PTPRD: variants seen among roughly 807,000 people sequenced by gnomAD.
The protein encoded by PTPRD is protein tyrosine phosphatase receptor type D.
A neutral mutation model predicts 214.5 loss-of-function variants in PTPRD; 34 were observed. The observed-to-expected ratio is 0.16, with a 90% CI of 0.12 to 0.21. PTPRD has a LOEUF of 0.21. Ranked by LOEUF, PTPRD falls within the 10% of genes least tolerant of loss-of-function variation. The pLI is 1.00. For synonymous variants in PTPRD, 1,128 were observed against 845.7 expected, an observed-to-expected ratio of 1.33 and a Z score of -5.79; for missense variants, 2,545 against 2,398.7, an observed-to-expected ratio of 1.06 and a Z score of -1.27.
chr9:10,267,884 AGTG>A (rs1298630100), intron 3 of PTPRD, among the ~76,000 whole-genome samples: 1 of 152,208 alleles, frequency 6.6e-6, no homozygotes, highest in Non-Finnish European at 1.5e-5. Context: ...ATACAGTAAA[AGTG>A]AAATAAAAAT....
chr9:9,501,202 C>T (rs974816554), intron 8 of PTPRD, among the ~76,000 whole-genome samples: 2 of 151,554 alleles, frequency 1.3e-5, no homozygotes, highest in Non-Finnish European at 2.9e-5. Flanking sequence ...CTATTAAAAG[C>T]CAAAGATTGT....
At chr9:10,194,484 A>G (rs1048819371) in intron 3 of PTPRD, among the ~76,000 whole-genome samples, 1 of 151,636 alleles carries the variant, frequency 6.6e-6, no homozygotes, top group Non-Finnish European at 1.5e-5. Context: ...TTGATCAGGA[A>G]TCTGAGGTTG....
intron 19 of PTPRD, among the ~76,000 whole-genome samples, chr9:8,522,267 T>C (rs1176251032): frequency 1.3e-5 from 2 of 152,056 alleles, no homozygotes; most frequent in African/African-American, 4.8e-5. Context: ...ATTGAAAGAA[T>C]GGCTGGAATC....
rs1360231025 is a variant in PTPRD, at chr9:10,401,559, T to C, written c.-599-60542A>G. ...TATATCTGTGGTGTAACAGTATATC[T>C]ATAGTATTAAATTATATATATAAAC... On this transcript the variant is annotated intron_variant, in intron 2 of 45. Coordinates refer to ENST00000381196, the MANE Select transcript of PTPRD (RefSeq NM_002839.4). Among the ~76,000 whole-genome samples the C allele has an allele frequency of 2.7e-5, 4 of 150,364 alleles. No individual in the cohort carries two copies. In the East Asian group the frequency reaches 8.1e-4, roughly 30 times the overall value.
At chr9:10,112,143 C>G (rs1380842287) in intron 3 of PTPRD, among the ~76,000 whole-genome samples, 1 of 152,096 alleles carries the variant, frequency 6.6e-6, no homozygotes, top group Non-Finnish European at 1.5e-5. Context: ...TTTTGTGTTT[C>G]TGGAATTGAC....
chr9:10,391,685 G>C (rs1015923996), intron 2 of PTPRD, among the ~76,000 whole-genome samples: 1 of 151,526 alleles, frequency 6.6e-6, no homozygotes, highest in Non-Finnish European at 1.5e-5. Context: ...GCTTCTAGTG[G>C]GTTCCCCAGA....
chr9:8,528,559 A>G (rs1162682878), intron 15 of PTPRD, 32 bp downstream of exon 15: 1 of 1,578,848 alleles, frequency 6.3e-7, no homozygotes, highest in Non-Finnish European at 8.6e-7. Context: ...AAAATTCTCT[A>G]GGAGTTAGTA....
At chr9:9,273,377 G>A (rs1262525963) in intron 9 of PTPRD, among the ~76,000 whole-genome samples, 1 of 151,208 alleles carries the variant, frequency 6.6e-6, no homozygotes, top group Admixed American at 6.6e-5. Flanking sequence ...TTGTGAAGCT[G>A]TGCAGCTACT....
At chr9:8,838,044 G>A (rs565034978) in intron 11 of PTPRD, among the ~76,000 whole-genome samples, 1 of 152,130 alleles carries the variant, frequency 6.6e-6, no homozygotes, top group Admixed American at 6.5e-5. Context: ...TCATGTCAAT[G>A]AATAAACACA....
At chr9:10,541,343 T>C (rs898536386) in intron 2 of PTPRD, among the ~76,000 whole-genome samples, 14 of 152,144 alleles carry the variant, frequency 9.2e-5, no homozygotes, top group Non-Finnish European at 1.5e-4. Flanking sequence ...ACGGAACTTA[T>C]TTTTTAAGTG....
chr9:10,258,529 T>C (rs977809839), intron 3 of PTPRD, among the ~76,000 whole-genome samples: 2 of 152,234 alleles, frequency 1.3e-5, no homozygotes, highest in African/African-American at 4.8e-5. Context: ...TTTTTACATG[T>C]ACACTTTCAT....
rs949730148 is a variant in PTPRD at position 9,202,484 on chromosome 9, AG to A, written c.-202-19122del. Among the ~76,000 whole-genome samples the A allele has an allele frequency of 1.8e-4, 28 of 152,208 alleles. 1 individual carries two copies. The highest frequency in any genetic ancestry group is 1.0e-4 in the Non-Finnish European group (7 of 68,040). ...ATTTTTCATTTTCAAAATGTCCCAA[AG>A]AAAACTGTCACAAGTTATTAGATCC... is the stretch of plus-strand genomic sequence containing the variant. On this transcript the variant is annotated intron_variant, in intron 9 of 45. Transcript: ENST00000381196.
chr9:8,504,233 C>T, intron 23 of PTPRD, 28 bp downstream of exon 23: 3 of 1,612,820 alleles, frequency 1.9e-6, no homozygotes, highest in Non-Finnish European at 2.5e-6. Context: ...AATAAAAAGG[C>T]AGAAAGTAAG....
chr9:9,601,111 ATGTGTGTGTG>A (rs140016979), intron 7 of PTPRD, among the ~76,000 whole-genome samples: 117 of 97,468 alleles, frequency 1.2e-3, no homozygotes, highest in East Asian at 1.6e-3. Flanking sequence ...AGATTAATAT[ATGTGTGTGTG>A]TGTGTGTGTG....
At chr9:8,466,182 C>A (rs990538928) in intron 31 of PTPRD, among the ~76,000 whole-genome samples, 1 of 151,864 alleles carries the variant, frequency 6.6e-6, no homozygotes, top group Non-Finnish European at 1.5e-5. Context: ...TCAGCAGAAG[C>A]AGAATCCAAT....
intron 2 of PTPRD, among the ~76,000 whole-genome samples, chr9:10,586,371 C>G (rs1445633553): frequency 6.6e-6 from 1 of 151,854 alleles, no homozygotes; most frequent in Admixed American, 6.6e-5. Flanking sequence ...TGGTATCATG[C>G]CAACTTCAAA....
chr9:8,537,658 C>A (rs1157494926), intron 14 of PTPRD, among the ~76,000 whole-genome samples: 1 of 151,992 alleles, frequency 6.6e-6, no homozygotes, highest in Non-Finnish European at 1.5e-5. Context: ...TCATTAGCAG[C>A]TACTAAATAT....
At chr9:8,533,667 T>C (rs1222300576) in intron 14 of PTPRD, among the ~76,000 whole-genome samples, 2 of 151,954 alleles carry the variant, frequency 1.3e-5, no homozygotes, top group Admixed American at 6.6e-5. Flanking sequence ...AGTCCCCAAA[T>C]AGTGTTATCA....
chr9:10,091,144 A>G (rs2098425368), intron 3 of PTPRD, among the ~76,000 whole-genome samples: 1 of 151,472 alleles, frequency 6.6e-6, no homozygotes, highest in African/African-American at 2.4e-5. Flanking sequence ...TAGATTATAA[A>G]ATATGTAAGA....
Sources: allele counts gnomAD v4.1 joint callset (sites outside exome capture counted in the v4.1 genomes callset), GRCh38; gene constraint gnomAD v4.1.1; transcripts MANE v1.5; gene names NCBI Gene and HGNC (gene_info 2026-07-23, HGNC 2026-07-21).